The following AGFG1 variants were observed in gnomAD, a reference collection of about 807,000 sequenced individuals.
The protein encoded by AGFG1 is ArfGAP with FG repeats 1.
In AGFG1, 10 loss-of-function variants were observed where a neutral mutation model predicts 60.6. That is an observed-to-expected ratio of 0.16 (90% confidence interval 0.10 to 0.28). AGFG1 has a LOEUF of 0.28. Among genes scored for constraint, AGFG1 ranks in the 10% least tolerant of loss-of-function variants. The probability of loss-of-function intolerance (pLI) is 1.00; values close to 1 mark genes in which losing one functional copy is unlikely to be tolerated. For synonymous variants in AGFG1, 247 were observed against 242.9 expected, an observed-to-expected ratio of 1.02 and a Z score of -0.16; for missense variants, 537 against 676.5, an observed-to-expected ratio of 0.79 and a Z score of 2.29.
intron 10 of AGFG1, among the ~76,000 whole-genome samples, chr2:227,551,094 G>C (rs1296200046): frequency 6.6e-6 from 1 of 152,138 alleles, no homozygotes; most frequent in Non-Finnish European, 1.5e-5. Flanking sequence ...CATTTCTCCC[G>C]ATGTGGTAAT....
At chr2:227,492,263 T>A (rs906832337) in intron 2 of AGFG1, among the ~76,000 whole-genome samples, 3 of 152,028 alleles carry the variant, frequency 2.0e-5, no homozygotes, top group Non-Finnish European at 1.5e-5. Flanking sequence ...TAAAAGTTTT[T>A]AAAATTTTTC....
intron 3 of AGFG1, among the ~76,000 whole-genome samples, chr2:227,520,923 C>A (rs1691806311): frequency 6.6e-6 from 1 of 152,204 alleles, no homozygotes; most frequent in Non-Finnish European, 1.5e-5. Flanking sequence ...CCAAGAGAAT[C>A]TGTTCAGAGC....
Position 227,534,933 on chromosome 2 carries a change from A to G in AGFG1, c.1113A>G (p.Ser371=). The G allele has an allele frequency of 6.2e-7, 1 of 1,613,120 alleles. No individual in the cohort carries two copies. Among genetic ancestry groups the G allele is most frequent in the Non-Finnish European group, 8.5e-7 (1 of 1,179,136 alleles). Residue 371 remains serine (S), a synonymous_variant, in exon 8 of 13, where the codon TCA becomes TCG. Transcript: ENST00000310078. ...VSVPSQSSAS[S]DKYAALAELD... ...TTCCCAGTCAGTCAAGTGCATCTTCAGACAAGTATGCAGCTCTGGCAGAAC... is the reference window on the plus strand; with the variant it reads ...TTCCCAGTCAGTCAAGTGCATCTTCGGACAAGTATGCAGCTCTGGCAGAAC...
In AGFG1 at chr2:227,561,083, A is replaced by T. The variant is rs754038555; in HGVS notation, c.*6588A>T. 11 of 152,146 alleles carry T rather than the reference A, an allele frequency of 7.2e-5. No individual in the cohort carries two copies. Among genetic ancestry groups the T allele is most frequent in the Non-Finnish European group, 1.5e-4 (10 of 67,998 alleles). 9.4% of individuals were successfully genotyped at this position (152,146 alleles called of 1,614,324 possible). A position where few individuals can be genotyped will look rare whatever the true frequency, so the allele number is the denominator to read the frequency against. On this transcript the variant is annotated 3_prime_UTR_variant, in exon 13 of 13. Transcript: ENST00000310078. The stretch of plus-strand genomic sequence containing the variant: ...GAGGTGGTTTTAAATATTGGATGAA[A>T]ACTTACAGGCTGTTTTCAATATTCA...
intron 2 of AGFG1, among the ~76,000 whole-genome samples, chr2:227,511,480 A>C (rs1351324198): frequency 6.6e-6 from 1 of 152,140 alleles, no homozygotes; most frequent in Non-Finnish European, 1.5e-5. Context: ...ACTGTGTTCT[A>C]AGAAAACTTT....
intron 10 of AGFG1, among the ~76,000 whole-genome samples, chr2:227,539,960 T>G (rs1692436033): frequency 6.6e-6 from 1 of 151,934 alleles, no homozygotes; most frequent in Non-Finnish European, 1.5e-5. Context: ...CTCAGCCTCC[T>G]GAGTAGCTGG....
At chr2:227,502,002 G>A (rs1691171512) in intron 2 of AGFG1, among the ~76,000 whole-genome samples, 1 of 152,034 alleles carries the variant, frequency 6.6e-6, no homozygotes, top group African/African-American at 2.4e-5. Flanking sequence ...GGGACTACAG[G>A]TGCGTGCCAC....
At chr2:227,499,992 T>C (rs942263535) in intron 2 of AGFG1, among the ~76,000 whole-genome samples, 1 of 152,198 alleles carries the variant, frequency 6.6e-6, no homozygotes, top group Non-Finnish European at 1.5e-5. Flanking sequence ...TTAAAATTGA[T>C]GTTGGGTTCT....
chr2:227,534,590 T>C (rs950959804), intron 7 of AGFG1, among the ~76,000 whole-genome samples: 2 of 152,192 alleles, frequency 1.3e-5, no homozygotes, highest in African/African-American at 4.8e-5. Context: ...TTCTTTCTTA[T>C]GCATAATCCA....
At chr2:227,525,188 A>G (rs1343691155) in intron 5 of AGFG1, among the ~76,000 whole-genome samples, 2 of 152,210 alleles carry the variant, frequency 1.3e-5, no homozygotes, top group Admixed American at 1.3e-4. Context: ...AATTGAAAAT[A>G]TTCAAAAGTA....
rs980322518 is a variant in AGFG1, at chr2:227,507,099, C to T, written c.262-12849C>T. Among the ~76,000 whole-genome samples, 6 of 152,058 alleles carry T rather than the reference C, an allele frequency of 3.9e-5. No individual in the cohort carries two copies. In the East Asian group the frequency reaches 9.6e-4, roughly 24 times the overall value. On this transcript the variant is annotated intron_variant, in intron 2 of 12. Coordinates refer to ENST00000310078, the MANE Select transcript of AGFG1 (RefSeq NM_004504.5). ...CAATTGTAAAATGGTGATAGTCTAA[C>T]TCAGTAGTTTTCCAAGTACAGTTTG... is the stretch of plus-strand genomic sequence containing the variant.
intron 2 of AGFG1, among the ~76,000 whole-genome samples, chr2:227,518,430 C>T (rs1691719184): frequency 6.6e-6 from 1 of 151,242 alleles, no homozygotes. Flanking sequence ...GGTTGTTCCA[C>T]ATTGTTACCA....
chr2:227,492,586 T>G (rs1485896522), intron 2 of AGFG1, among the ~76,000 whole-genome samples: 1 of 152,144 alleles, frequency 6.6e-6, no homozygotes, highest in Non-Finnish European at 1.5e-5. Context: ...AAGTAATACC[T>G]TAAAATTGTT....
At chr2:227,533,422 G>C in intron 6 of AGFG1, 127 bp from the exon 7 acceptor site, 1 of 845,648 alleles carries the variant, frequency 1.2e-6, no homozygotes, top group Non-Finnish European at 1.8e-6. Flanking sequence ...GCCATTGCCA[G>C]TCATTGATTT....
intron 2 of AGFG1, among the ~76,000 whole-genome samples, chr2:227,496,971 T>C (rs1230082734): frequency 6.6e-6 from 1 of 152,192 alleles, no homozygotes; most frequent in Non-Finnish European, 1.5e-5. Context: ...TTGATAGTTA[T>C]TTTAGTAACA....
intron 1 of AGFG1, among the ~76,000 whole-genome samples, chr2:227,475,077 A>G (rs1690239670): frequency 6.6e-6 from 1 of 152,230 alleles, no homozygotes; most frequent in Non-Finnish European, 1.5e-5. Context: ...AAGATATTAA[A>G]TAAGAAATAT....
chr2:227,520,807 C>T (rs1320209189), intron 3 of AGFG1, among the ~76,000 whole-genome samples: 1 of 152,098 alleles, frequency 6.6e-6, no homozygotes, highest in Non-Finnish European at 1.5e-5. Flanking sequence ...ATAGTGGATA[C>T]TTTCATCTTG....
chr2:227,485,316 A>C (rs537895280), intron 1 of AGFG1, among the ~76,000 whole-genome samples: 94 of 145,288 alleles, frequency 6.5e-4, no homozygotes, highest in African/African-American at 2.3e-3. Context: ...AGCTCACTGC[A>C]ACCTCCAACT....
intron 1 of AGFG1, among the ~76,000 whole-genome samples, chr2:227,477,686 A>G (rs1172263339): frequency 6.6e-6 from 1 of 151,650 alleles, no homozygotes; most frequent in Admixed American, 6.6e-5. Flanking sequence ...CCTCACTGCA[A>G]CCTCCACCTC....
Sources: gnomAD v4.1 joint callset for allele counts (sites outside exome capture counted in the v4.1 genomes callset) on GRCh38, gnomAD v4.1.1 for gene constraint, MANE v1.5 for transcripts, NCBI Gene and HGNC (gene_info 2026-07-23, HGNC 2026-07-21) for gene names.